The following XKR6 variants were observed in gnomAD, a reference collection of about 807,000 sequenced individuals.
The protein encoded by XKR6 is XK-related protein 6.
Under a neutral mutation model 56.7 loss-of-function variants are expected in XKR6, and 22 were observed. That is an observed-to-expected ratio of 0.39 (90% confidence interval 0.28 to 0.55). The LOEUF is 0.55. Ranked by LOEUF, XKR6 falls within the 20% of genes least tolerant of loss-of-function variation. The pLI is 0.66. For missense variants in XKR6, 852 were observed against 889.0 expected (o/e 0.96, Z 0.53); for synonymous variants, 524 against 387.8 (o/e 1.35, Z -4.13).
intron 1 of XKR6, among the ~76,000 whole-genome samples, chr8:11,063,783 T>C (rs998734550): frequency 4.6e-5 from 7 of 152,176 alleles, no homozygotes; most frequent in South Asian, 2.1e-4. Context: ...CCCCATTCTC[T>C]TTCCCACCTG....
At chr8:11,159,763 G>T (rs1460764326) in intron 1 of XKR6, among the ~76,000 whole-genome samples, 2 of 152,186 alleles carry the variant, frequency 1.3e-5, no homozygotes, top group Non-Finnish European at 2.9e-5. Flanking sequence ...TAGAAATGGG[G>T]TATACAACAA....
At chr8:11,119,898 C>T (rs952364534) in intron 1 of XKR6, among the ~76,000 whole-genome samples, 7 of 152,114 alleles carry the variant, frequency 4.6e-5, no homozygotes, top group Admixed American at 1.3e-4. Flanking sequence ...AATCAATAAA[C>T]GTAATCCAGC....
At chr8:11,002,518 G>C in intron 1 of XKR6, 1 of 329,124 alleles carries the variant, frequency 3.0e-6, no homozygotes, top group Middle Eastern at 4.2e-4. Context: ...TGAGCAAGCA[G>C]GAATGGGGAA....
At chr8:10,916,116 G>C (rs577127445) in intron 2 of XKR6, among the ~76,000 whole-genome samples, 46 of 152,368 alleles carry the variant, frequency 3.0e-4, no homozygotes, top group African/African-American at 1.0e-3. Flanking sequence ...TGCTCAATTT[G>C]GGGTCCACCA....
intron 1 of XKR6, among the ~76,000 whole-genome samples, chr8:10,971,133 C>T (rs372098057): frequency 2.6e-5 from 4 of 151,326 alleles, no homozygotes; most frequent in South Asian, 4.2e-4. Context: ...TTTAAAATTA[C>T]AAGCAGCGCC....
At chr8:11,169,022 G>A (rs1802229826) in intron 1 of XKR6, among the ~76,000 whole-genome samples, 1 of 152,172 alleles carries the variant, frequency 6.6e-6, no homozygotes, top group South Asian at 2.1e-4. Flanking sequence ...ACTGGTCCCA[G>A]GACAAGGTCC....
At position 11,127,764 on chromosome 8, in the gene XKR6, G is replaced by C. The variant is rs976491311; in HGVS notation, c.764+72812C>G. 4.6e-5 allele frequency among the ~76,000 whole-genome samples: 7 copies of C among 152,152 alleles called. No homozygotes were observed. The East Asian group carries it at 5.8e-4, about 13-fold the overall frequency. ...TGTAAAGTCTCCTTTACAATGTGCG[G>C]TTACATATTTATAGGTCTGGGGATT... On this transcript the variant is annotated intron_variant, in intron 1 of 2. Transcript: ENST00000416569.
chr8:11,109,412 C>T (rs1370673601), intron 1 of XKR6: 3 of 152,156 alleles, frequency 2.0e-5, no homozygotes, highest in Admixed American at 6.5e-5. Context: ...TCAGAACATA[C>T]CAGAACAAAC....
At chr8:11,046,715 CAACTT>C (rs1469954326) in intron 1 of XKR6, among the ~76,000 whole-genome samples, 1 of 152,134 alleles carries the variant, frequency 6.6e-6, no homozygotes, top group African/African-American at 2.4e-5. Flanking sequence ...GATAAGGAAT[CAACTT>C]AAGTGGCCAT....
chr8:11,023,986 G>C (rs1448526184), intron 1 of XKR6, among the ~76,000 whole-genome samples: 1 of 152,154 alleles, frequency 6.6e-6, no homozygotes, highest in Non-Finnish European at 1.5e-5. Context: ...GCTTAGGAAG[G>C]TCCTTGGATG....
At chr8:11,117,781 T>C (rs1234716927) in intron 1 of XKR6, among the ~76,000 whole-genome samples, 1 of 152,074 alleles carries the variant, frequency 6.6e-6, no homozygotes, top group Non-Finnish European at 1.5e-5. Flanking sequence ...CTAGTAAATA[T>C]TAATATGAAT....
intron 2 of XKR6, among the ~76,000 whole-genome samples, chr8:10,912,064 C>T (rs914773230): frequency 2.8e-5 from 4 of 144,128 alleles, no homozygotes; most frequent in African/African-American, 1.0e-4. Context: ...AGAGAAAGGA[C>T]GTGTATACAT....
At chr8:11,061,696 G>T (rs1367763150) in intron 1 of XKR6, among the ~76,000 whole-genome samples, 2 of 152,132 alleles carry the variant, frequency 1.3e-5, no homozygotes, top group Admixed American at 1.3e-4. Context: ...AGAGGAAAGA[G>T]AATTAAACAT....
At chr8:11,177,397 T>C (rs1256318551) in intron 1 of XKR6, among the ~76,000 whole-genome samples, 4 of 152,226 alleles carry the variant, frequency 2.6e-5, no homozygotes, top group Non-Finnish European at 4.4e-5. Context: ...CTGGGTCAAC[T>C]ACAAAAGAGT....
At position 10,898,229 on chromosome 8, in the gene XKR6, T is replaced by G; in HGVS notation, c.1649A>C (p.Gln550Pro). Reference sequence around the variant, plus strand: ...AGTGTCAGCCGTGAGATCCTCCTGTTGTTCCGTTACGGCTCTGGTGGGCGT... The same window carrying G: ...AGTGTCAGCCGTGAGATCCTCCTGTGGTTCCGTTACGGCTCTGGTGGGCGT... ...QVTPTRAVTE[Q>P]QEDLTADTCL... Residue 550 changes from glutamine (Q) to proline (P), a missense_variant, in exon 3 of 3, where the codon CAA becomes CCA. Physicochemically the swap from Gln to Pro is moderately conservative, Grantham distance 76. This residue lies in a region of XKR6 where 197 missense variants were observed against 190.9 expected (regional missense o/e 1.03). Coordinates refer to ENST00000416569, the MANE Select transcript of XKR6 (RefSeq NM_173683.4). This position sits in a 1 kb window ranked among gnomAD's most constrained non-coding sequence, Gnocchi z 6.6. 1 of 1,614,168 alleles carries G rather than the reference T, an allele frequency of 6.2e-7. No homozygotes were observed. The highest frequency in any genetic ancestry group is 8.5e-7 in the Non-Finnish European group (1 of 1,180,022).
chr8:11,115,843 T>A (rs1424129244), intron 1 of XKR6, among the ~76,000 whole-genome samples: 1 of 152,224 alleles, frequency 6.6e-6, no homozygotes, highest in Non-Finnish European at 1.5e-5. Context: ...GAAGAATAAA[T>A]ACATTTCTGA....
At chr8:10,991,871 G>C (rs1798000781) in intron 1 of XKR6, among the ~76,000 whole-genome samples, 1 of 152,026 alleles carries the variant, frequency 6.6e-6, no homozygotes, top group Non-Finnish European at 1.5e-5. Context: ...CCCTGTTTTT[G>C]CTTCCAAATA....
rs1054846137 is a variant in XKR6 at position 11,184,147 on chromosome 8, CAGAGT to C, written c.764+16424_764+16428del. 1.4e-4 allele frequency among the ~76,000 whole-genome samples: 21 copies of C among 152,244 alleles called. 1 individual carries two copies. The highest frequency in any genetic ancestry group is 1.0e-3 in the Admixed American group (16 of 15,284). On this transcript the variant is annotated intron_variant, in intron 1 of 2. Transcript: ENST00000416569. ...ACCATACAGAGACTGTTAAAGGTTTCAGAGTATAGTTTTATTCTAATTATAATTTG... is the reference window on the plus strand; with the variant it reads ...ACCATACAGAGACTGTTAAAGGTTTCATAGTTTTATTCTAATTATAATTTG...
intron 1 of XKR6, among the ~76,000 whole-genome samples, chr8:10,925,543 C>T (rs938069071): frequency 9.2e-5 from 14 of 152,172 alleles, no homozygotes; most frequent in Non-Finnish European, 1.6e-4. Context: ...ATCCGCTGCC[C>T]GCCCTCTCAG....
Sources: allele counts gnomAD v4.1 joint callset (sites outside exome capture counted in the v4.1 genomes callset), GRCh38; gene constraint gnomAD v4.1.1; regional missense constraint gnomAD v4.1.1; non-coding constraint Gnocchi (gnomAD v3.1); transcripts MANE v1.5; gene names NCBI Gene and HGNC (gene_info 2026-07-23, HGNC 2026-07-21).